ERGIC1: variants seen among roughly 807,000 people sequenced by gnomAD.
ERGIC1 encodes endoplasmic reticulum-golgi intermediate compartment 1.
Under a neutral mutation model 38.3 loss-of-function variants are expected in ERGIC1, and 19 were observed. The ratio of observed to expected loss-of-function variants is 0.50; its 90% CI spans 0.35 to 0.73. ERGIC1 has a LOEUF of 0.73. ERGIC1 is among the 30% of genes least tolerant of loss of function. The pLI, the probability that ERGIC1 is intolerant of heterozygous loss-of-function variation, is 0.01. For missense variants in ERGIC1, 294 were observed against 389.2 expected (o/e 0.76, Z 2.06); for synonymous variants, 124 against 157.6 (o/e 0.79, Z 1.60).
intron 3 of ERGIC1, among the ~76,000 whole-genome samples, chr5:172,901,352 G>A (rs961455412): frequency 4.6e-5 from 7 of 152,140 alleles, no homozygotes; most frequent in South Asian, 4.1e-4. Context: ...CTGAAACTCC[G>A]TGTTTTCAGG....
intron 1 of ERGIC1, among the ~76,000 whole-genome samples, chr5:172,877,683 G>GC (rs1762181474): frequency 6.6e-6 from 1 of 151,964 alleles, no homozygotes; most frequent in African/African-American, 2.4e-5. Context: ...TTCCCATCTA[G>GC]CTGTATCACC....
At chr5:172,855,798 G>A (rs1327873887) in intron 1 of ERGIC1, among the ~76,000 whole-genome samples, 4 of 152,312 alleles carry the variant, frequency 2.6e-5, no homozygotes, top group East Asian at 1.9e-4. Context: ...GAGAGGCCAC[G>A]CCTTGTGTTG....
At chr5:172,875,176 A>T (rs1041313441) in intron 1 of ERGIC1, among the ~76,000 whole-genome samples, 3 of 152,208 alleles carry the variant, frequency 2.0e-5, no homozygotes, top group African/African-American at 7.2e-5. Flanking sequence ...GAAGTAGCAG[A>T]AAAGTGGACT....
At chr5:172,887,612 T>C (rs1028287656) in intron 1 of ERGIC1, among the ~76,000 whole-genome samples, 2 of 152,190 alleles carry the variant, frequency 1.3e-5, no homozygotes, top group African/African-American at 2.4e-5. Context: ...CTTAAATAGC[T>C]GAAGCAGAGC....
In ERGIC1 at chr5:172,935,494, A is replaced by C. The variant is rs1763870609; in HGVS notation, c.765+184A>C. The C allele has an allele frequency of 4.5e-6, 3 of 665,226 alleles. No homozygotes were observed. In the Admixed American group the frequency reaches 8.9e-5, roughly 20 times the overall value. 41.2% of individuals were successfully genotyped at this position (665,226 alleles called of 1,614,324 possible). Reference sequence around the variant, plus strand: ...TGCTGAGAAATGTTGTCAGAAACACATCAGTATCGATGACGTTTTGTCTAG... The same window carrying C: ...TGCTGAGAAATGTTGTCAGAAACACCTCAGTATCGATGACGTTTTGTCTAG... On this transcript the variant is annotated intron_variant, in intron 9 of 9. Coordinates refer to ENST00000393784, the MANE Select transcript of ERGIC1 (RefSeq NM_001031711.3).
chr5:172,912,075 TC>T (rs1190218797), intron 4 of ERGIC1, among the ~76,000 whole-genome samples: 1 of 151,022 alleles, frequency 6.6e-6, no homozygotes, highest in Non-Finnish European at 1.5e-5. Context: ...TTCTGGAGTT[TC>T]TTTTTTTTTT....
intron 9 of ERGIC1, among the ~76,000 whole-genome samples, chr5:172,947,954 T>C (rs1053787482): frequency 1.3e-5 from 2 of 151,934 alleles, no homozygotes; most frequent in African/African-American, 2.4e-5. Flanking sequence ...AAGTCACATT[T>C]TCCTATCTTC....
chr5:172,909,185 T>TTTTTTTTTTG (rs1763141393), intron 3 of ERGIC1, among the ~76,000 whole-genome samples: 2 of 147,782 alleles, frequency 1.4e-5, no homozygotes, highest in South Asian at 4.4e-4. Flanking sequence ...TTTTTTTTTT[T>TTTTTTTTTTG]TGAGACGGAG....
intron 1 of ERGIC1, among the ~76,000 whole-genome samples, chr5:172,856,907 C>T (rs770098275): frequency 1.2e-4 from 18 of 152,134 alleles, no homozygotes; most frequent in South Asian, 2.1e-4. Flanking sequence ...TTGTGTGAAA[C>T]GTAATTAAGC....
At chr5:172,929,911 G>A (rs1763736333) in intron 7 of ERGIC1, among the ~76,000 whole-genome samples, 1 of 152,194 alleles carries the variant, frequency 6.6e-6, no homozygotes, top group African/African-American at 2.4e-5. Flanking sequence ...AAGATGGCTG[G>A]GCGCGGTGGC....
rs1761275263 is a variant in ERGIC1, at chr5:172,846,045, A to G, written c.20+11612A>G. Among the ~76,000 whole-genome samples the G allele has an allele frequency of 6.6e-6, 1 of 152,134 alleles. No homozygotes were observed. ...GTCTGATGTTTCTTCCTAAGTGGAC[A>G]GGGTTATGGTTTTGGGGAAGCATCC... is the stretch of plus-strand genomic sequence containing the variant. On this transcript the variant is annotated intron_variant, in intron 1 of 9. Coordinates refer to ENST00000393784, the MANE Select transcript of ERGIC1 (RefSeq NM_001031711.3). The surrounding 1 kb of genome is among the most constrained non-coding windows in gnomAD (Gnocchi z 4.0).
intron 3 of ERGIC1, among the ~76,000 whole-genome samples, chr5:172,908,355 G>C (rs139711649): frequency 0.36 from 23,150 of 63,936 alleles, 7,183 homozygotes; most frequent in Non-Finnish European, 0.42. Context: ...GGGGGGGGTG[G>C]ATCATGAGGT....
chr5:172,906,596 T>G (rs1355676817), intron 3 of ERGIC1, among the ~76,000 whole-genome samples: 1 of 152,154 alleles, frequency 6.6e-6, no homozygotes, highest in Non-Finnish European at 1.5e-5. Flanking sequence ...AAAGATGTGG[T>G]CTTAGTAAAA....
intron 1 of ERGIC1, among the ~76,000 whole-genome samples, chr5:172,860,260 G>C (rs1761663113): frequency 6.6e-6 from 1 of 152,228 alleles, no homozygotes; most frequent in Non-Finnish European, 1.5e-5. Context: ...AGGGCGTGGA[G>C]AGGTATGGCA....
intron 5 of ERGIC1, among the ~76,000 whole-genome samples, chr5:172,919,132 G>A (rs1031121346): frequency 6.6e-6 from 1 of 152,218 alleles, no homozygotes; most frequent in Non-Finnish European, 1.5e-5. Flanking sequence ...ATAACGGGGG[G>A]ACAGCCAGTG....
At chr5:172,941,169 G>T (rs1210609520) in intron 9 of ERGIC1, among the ~76,000 whole-genome samples, 1 of 152,102 alleles carries the variant, frequency 6.6e-6, no homozygotes, top group African/African-American at 2.4e-5. Flanking sequence ...CTACTGTGGA[G>T]GCTGAGGCAG....
At chr5:172,880,763 C>T (rs1306668265) in intron 1 of ERGIC1, among the ~76,000 whole-genome samples, 2 of 152,192 alleles carry the variant, frequency 1.3e-5, no homozygotes, top group East Asian at 1.9e-4. Context: ...GAGAGCTGAC[C>T]GTGAGGAGCG....
intron 1 of ERGIC1, among the ~76,000 whole-genome samples, chr5:172,873,151 A>G (rs925830834): frequency 6.6e-6 from 1 of 151,368 alleles, no homozygotes; most frequent in Non-Finnish European, 1.5e-5. Context: ...CTTTTGAAAA[A>G]CCCCGCTCAT....
chr5:172,869,907 C>T (rs867776114), intron 1 of ERGIC1, among the ~76,000 whole-genome samples: 15 of 152,338 alleles, frequency 9.8e-5, no homozygotes, highest in Middle Eastern at 6.8e-3. Flanking sequence ...CCTTGGCAGA[C>T]ATTGCTAATC....
Sources: allele counts gnomAD v4.1 joint callset (sites outside exome capture counted in the v4.1 genomes callset), GRCh38; gene constraint gnomAD v4.1.1; non-coding constraint Gnocchi (gnomAD v3.1); transcripts MANE v1.5; gene names NCBI Gene and HGNC (gene_info 2026-07-23, HGNC 2026-07-21).